The following PRORP variants were observed in gnomAD, a reference collection of about 807,000 sequenced individuals.
PRORP encodes mitochondrial ribonuclease P catalytic subunit.
In PRORP, 51 loss-of-function variants were observed where a neutral mutation model predicts 59.4. That is an observed-to-expected ratio of 0.86 (90% CI 0.69 to 1.08). The LOEUF (loss-of-function observed/expected upper bound fraction) is 1.08. PRORP is among the 50% of genes least tolerant of loss of function. PRORP has a pLI of 0.00. For synonymous variants in PRORP, 231 were observed against 245.6 expected, an observed-to-expected ratio of 0.94 and a Z score of 0.55; for missense variants, 646 against 690.3, an observed-to-expected ratio of 0.94 and a Z score of 0.72.
At chr14:35,262,508 A>T in intron 5 of PRORP, 1 of 566,572 alleles carries the variant, frequency 1.8e-6, no homozygotes, top group Non-Finnish European at 3.2e-6. Flanking sequence ...GAAAATGGTG[A>T]CATTACTCTG....
intron 7 of PRORP, among the ~76,000 whole-genome samples, chr14:35,272,032 A>T (rs2051204462): frequency 7.0e-6 from 1 of 143,178 alleles, no homozygotes; most frequent in Non-Finnish European, 1.5e-5. Flanking sequence ...TCTCAAAAAA[A>T]ACAAAAAAAA....
At chr14:35,272,489 T>C (rs1334252311) in intron 7 of PRORP, among the ~76,000 whole-genome samples, 1 of 152,094 alleles carries the variant, frequency 6.6e-6, no homozygotes, top group Non-Finnish European at 1.5e-5. Flanking sequence ...AATAAATTTA[T>C]AGTAAATGTG....
At chr14:35,203,785 A>C (rs1292849641) in intron 5 of PRORP, among the ~76,000 whole-genome samples, 2 of 151,868 alleles carry the variant, frequency 1.3e-5, no homozygotes, top group Non-Finnish European at 2.9e-5. Flanking sequence ...AATGGCATGA[A>C]CCCCAGGGGG....
intron 5 of PRORP, among the ~76,000 whole-genome samples, chr14:35,196,211 A>T (rs1427734895): frequency 6.6e-6 from 1 of 152,224 alleles, no homozygotes; most frequent in Non-Finnish European, 1.5e-5. Context: ...ATGGTGGCTC[A>T]TACCTGTAAT....
chr14:35,224,868 T>C (rs1212565964), intron 5 of PRORP, among the ~76,000 whole-genome samples: 2 of 152,206 alleles, frequency 1.3e-5, no homozygotes, highest in African/African-American at 4.8e-5. Flanking sequence ...CTTGTTTGTG[T>C]ATATTTGACA....
chr14:35,180,211 G>A (rs953096734), intron 4 of PRORP, among the ~76,000 whole-genome samples: 1 of 152,124 alleles, frequency 6.6e-6, no homozygotes, highest in African/African-American at 2.4e-5. Flanking sequence ...CTCAAACTCC[G>A]TGCTGGGAGA....
chr14:35,243,811 C>A (rs2050419688), intron 5 of PRORP, among the ~76,000 whole-genome samples: 1 of 151,944 alleles, frequency 6.6e-6, no homozygotes, highest in Non-Finnish European at 1.5e-5. Context: ...ATAAGGGTGT[C>A]TATGAGGATT....
At chr14:35,203,653 A>G (rs976109445) in intron 5 of PRORP, among the ~76,000 whole-genome samples, 33 of 152,326 alleles carry the variant, frequency 2.2e-4, no homozygotes, top group African/African-American at 7.9e-4. Context: ...TCACAAGGTC[A>G]GGAGATCGAG....
At chr14:35,160,691 G>A (rs2048035067) in intron 4 of PRORP, among the ~76,000 whole-genome samples, 1 of 148,002 alleles carries the variant, frequency 6.8e-6, no homozygotes, top group African/African-American at 2.5e-5. Context: ...TTAGTAAACT[G>A]GGAATTAGAA....
intron 5 of PRORP, among the ~76,000 whole-genome samples, chr14:35,206,986 C>T (rs1426010266): frequency 6.6e-6 from 1 of 152,154 alleles, no homozygotes; most frequent in African/African-American, 2.4e-5. Flanking sequence ...GAACTTATTA[C>T]ATTCAGGGTT....
chr14:35,207,862 A>G (rs960060590), intron 5 of PRORP, among the ~76,000 whole-genome samples: 18 of 152,296 alleles, frequency 1.2e-4, no homozygotes, highest in Non-Finnish European at 1.9e-4. Flanking sequence ...CTTATATAAG[A>G]TGTAACTGGC....
intron 4 of PRORP, among the ~76,000 whole-genome samples, chr14:35,146,890 G>A (rs546574550): frequency 1.6e-4 from 25 of 152,216 alleles, no homozygotes; most frequent in Middle Eastern, 3.4e-3. Context: ...CCAGGAGTTC[G>A]ACACCAGCCC....
At chr14:35,218,694 T>C (rs2049687120) in intron 5 of PRORP, among the ~76,000 whole-genome samples, 2 of 151,678 alleles carry the variant, frequency 1.3e-5, no homozygotes, top group African/African-American at 2.4e-5. Context: ...CCTAGCCAAT[T>C]TTTGTATGTT....
At chr14:35,247,108 A>G (rs772389887) in intron 5 of PRORP, among the ~76,000 whole-genome samples, 4 of 152,212 alleles carry the variant, frequency 2.6e-5, no homozygotes, top group Non-Finnish European at 5.9e-5. Context: ...TACATAGTAG[A>G]ATTAGAATCT....
chr14:35,180,521 A>AGTGTGTGTGTGT, intron 4 of PRORP, 149 bp from the exon 5 acceptor site: 1 of 467,096 alleles, frequency 2.1e-6, no homozygotes, highest in Middle Eastern at 5.7e-4. Context: ...TCATTTGTAG[A>AGTGTGTGTGTGT]GTATCTGTGT....
intron 5 of PRORP, chr14:35,262,913 G>T: frequency 6.3e-7 from 1 of 1,576,838 alleles, no homozygotes; most frequent in Non-Finnish European, 8.7e-7. Flanking sequence ...ATGACATTGA[G>T]CTTGTTTCCA....
chr14:35,158,801 G>A (rs918338500), intron 4 of PRORP: 12 of 352,054 alleles, frequency 3.4e-5, no homozygotes, highest in Non-Finnish European at 6.6e-5. Flanking sequence ...ACTTTGGATT[G>A]TTCCTCCTGT....
chr14:35,239,208 A>T (rs2050296926), intron 5 of PRORP, among the ~76,000 whole-genome samples: 2 of 151,936 alleles, frequency 1.3e-5, no homozygotes, highest in African/African-American at 2.4e-5. Flanking sequence ...ATACAAAAAA[A>T]TTAGCCAGGT....
chr14:35,260,874 T>C (rs1196655246), intron 5 of PRORP, among the ~76,000 whole-genome samples: 1 of 152,242 alleles, frequency 6.6e-6, no homozygotes, highest in Non-Finnish European at 1.5e-5. Flanking sequence ...AAGATCCTCC[T>C]GCTTTACCCC....
Sources: gnomAD v4.1 joint callset for allele counts (sites outside exome capture counted in the v4.1 genomes callset) on GRCh38, gnomAD v4.1.1 for gene constraint, MANE v1.5 for transcripts, NCBI Gene and HGNC (gene_info 2026-07-23, HGNC 2026-07-21) for gene names.